VEZT: variants seen among roughly 807,000 people sequenced by gnomAD.
VEZT encodes the protein vezatin, adherens junctions transmembrane protein, also known as vezatin.
VEZT carries 39 observed loss-of-function variants against 79.9 expected under a neutral mutation model. The observed-to-expected ratio is 0.49, with a 90% CI of 0.38 to 0.64. The LOEUF (loss-of-function observed/expected upper bound fraction) is 0.64. Ranked by LOEUF, VEZT falls within the 30% of genes least tolerant of loss-of-function variation. The pLI is 0.00. For synonymous variants in VEZT, 325 were observed against 327.6 expected (o/e 0.99, Z 0.09); for missense variants, 837 against 893.1 (o/e 0.94, Z 0.80).
intron 3 of VEZT, among the ~76,000 whole-genome samples, chr12:95,262,085 G>A (rs2064643524): frequency 6.6e-6 from 1 of 152,108 alleles, no homozygotes; most frequent in African/African-American, 2.4e-5. Flanking sequence ...GTCAATTTTT[G>A]TTCATCCTTT....
chr12:95,263,230 C>T, intron 4 of VEZT, 149 bp downstream of exon 4: 4 of 780,210 alleles, frequency 5.1e-6, no homozygotes, highest in Non-Finnish European at 7.5e-6. Context: ...GAAAAAGTGC[C>T]TTTCTAAAGT....
At chr12:95,287,585 T>G (rs1169909937) in intron 8 of VEZT, 79 bp from the exon 9 acceptor site, 6 of 1,321,948 alleles carry the variant, frequency 4.5e-6, no homozygotes. Context: ...TTTAAGCTTA[T>G]TTTAAAATAA....
At chr12:95,220,731 A>G (rs1316521925) in intron 1 of VEZT, among the ~76,000 whole-genome samples, 1 of 152,170 alleles carries the variant, frequency 6.6e-6, no homozygotes, top group African/African-American at 2.4e-5. Flanking sequence ...CCATGTGAAT[A>G]TATGATCATT....
chr12:95,230,797 T>C (rs1008866591), intron 1 of VEZT, among the ~76,000 whole-genome samples: 7 of 152,192 alleles, frequency 4.6e-5, no homozygotes, highest in Admixed American at 6.5e-5. Flanking sequence ...AAGTGACCGA[T>C]GTGTGCCAGT....
chr12:95,254,400 G>A (rs1257610976), intron 2 of VEZT, among the ~76,000 whole-genome samples: 1 of 143,596 alleles, frequency 7.0e-6, no homozygotes, highest in Non-Finnish European at 1.5e-5. Flanking sequence ...AGGTTGGAGG[G>A]CAGTGACGCA....
intron 11 of VEZT, chr12:95,296,467 T>C: frequency 2.7e-6 from 1 of 370,534 alleles, no homozygotes. Context: ...CATACTTTTT[T>C]ATGAGTTATT....
chr12:95,274,781 C>T lies in VEZT; in HGVS notation c.888C>T (p.Tyr296=). 3 of 1,613,744 alleles carry T rather than the reference C, an allele frequency of 1.9e-6. No individual in the cohort carries two copies. The highest frequency in any genetic ancestry group is 2.5e-6 in the Non-Finnish European group (3 of 1,179,762). Residue 296 remains tyrosine, a synonymous_variant, in exon 7 of 12, where the codon TAC becomes TAT. Coordinates refer to ENST00000436874, the MANE Select transcript of VEZT (RefSeq NM_017599.4). The stretch of plus-strand genomic sequence containing the variant: ...CTGAGAGTGACAATGTAACCAACTA[C>T]ATCTGTGTGGTGCCTTTTAAAGAGC... The part of the protein sequence containing the change: ...LNSESDNVTN[Y]ICVVPFKELG...
At position 95,287,764 on chromosome 12, in the gene VEZT, T is replaced by C; in HGVS notation, c.1429T>C (p.Leu477=). The C allele has an allele frequency of 6.2e-7, 1 of 1,607,474 alleles. No individual in the cohort carries two copies. The highest frequency in any genetic ancestry group is 2.2e-5 in the East Asian group (1 of 44,728). Residue 477 remains leucine (L), a synonymous_variant, in exon 9 of 12, where the codon TTG becomes CTG. Coordinates refer to ENST00000436874, the MANE Select transcript of VEZT (RefSeq NM_017599.4). The stretch of plus-strand genomic sequence containing the variant: ...TCCCATCCTAGAACAGAAATTAAAG[T>C]TGATTCAGCCCCACGTTCAAGCAAG... ...AYPILEQKLK[L]IQPHVQASNN...
chr12:95,225,897 T>C (rs984502927), intron 1 of VEZT, among the ~76,000 whole-genome samples: 1 of 151,548 alleles, frequency 6.6e-6, no homozygotes, highest in Non-Finnish European at 1.5e-5. Flanking sequence ...TGAGACCAGC[T>C]TGGGCAATAT....
intron 1 of VEZT, among the ~76,000 whole-genome samples, chr12:95,230,238 T>G (rs920961056): frequency 6.6e-6 from 1 of 152,178 alleles, no homozygotes; most frequent in African/African-American, 2.4e-5. Flanking sequence ...CATTACTTTT[T>G]ATTTGAAACA....
intron 1 of VEZT, among the ~76,000 whole-genome samples, chr12:95,226,110 A>T (rs1046589565): frequency 4.6e-5 from 7 of 151,914 alleles, no homozygotes; most frequent in Admixed American, 1.3e-4. Context: ...AAAAAAAAAA[A>T]AAAAAAGAAC....
At chr12:95,267,434 A>C (rs1300904391) in intron 5 of VEZT, among the ~76,000 whole-genome samples, 1 of 152,144 alleles carries the variant, frequency 6.6e-6, no homozygotes, top group Non-Finnish European at 1.5e-5. Context: ...TAACTTTTGC[A>C]ATCTATAGGT....
intron 1 of VEZT, among the ~76,000 whole-genome samples, chr12:95,233,192 TTTTC>T (rs1168547556): frequency 5.9e-5 from 9 of 152,082 alleles, no homozygotes; most frequent in East Asian, 3.9e-4. Flanking sequence ...TCTTTTTTCT[TTTTC>T]TTTTTTTTTT....
Position 95,246,480 on chromosome 12 carries a change from A to G in VEZT, c.37-5460A>G, listed in dbSNP as rs1295101665. ...AGCAGGGCTGGCAAGAAGTGTCAGTAGTGTAGGACTTGGATGAGACATTTT... is the reference window on the plus strand; with the variant it reads ...AGCAGGGCTGGCAAGAAGTGTCAGTGGTGTAGGACTTGGATGAGACATTTT... On this transcript the variant is annotated intron_variant, in intron 1 of 11. Coordinates refer to ENST00000436874, the MANE Select transcript of VEZT (RefSeq NM_017599.4). Among the ~76,000 whole-genome samples, 3 of 152,332 alleles carry G rather than the reference A, an allele frequency of 2.0e-5. No individual in the cohort carries two copies. In the East Asian group the frequency reaches 5.8e-4, roughly 29 times the overall value.
intron 1 of VEZT, among the ~76,000 whole-genome samples, chr12:95,241,551 T>C (rs906606585): frequency 3.3e-5 from 5 of 151,964 alleles, no homozygotes; most frequent in Non-Finnish European, 7.4e-5. Context: ...AAGCAATTCC[T>C]CCTGCCTTGG....
intron 6 of VEZT, among the ~76,000 whole-genome samples, chr12:95,273,197 G>A (rs142441878): frequency 4.7e-4 from 72 of 152,142 alleles, no homozygotes; most frequent in African/African-American, 1.7e-3. Flanking sequence ...AACAATGATA[G>A]AGTTCTTAGT....
chr12:95,242,796 C>G (rs2061210439), intron 1 of VEZT, among the ~76,000 whole-genome samples: 1 of 149,252 alleles, frequency 6.7e-6, no homozygotes, highest in Non-Finnish European at 1.5e-5. Flanking sequence ...TCACTTGAAC[C>G]TGGGAGGCGG....
Position 95,266,571 on chromosome 12 carries a change from C to G in VEZT, c.649C>G (p.Leu217Val). The G allele has an allele frequency of 3.1e-6, 5 of 1,613,792 alleles. No homozygotes were observed. The highest frequency in any genetic ancestry group is 4.2e-6 in the Non-Finnish European group (5 of 1,179,828). ...CACAAACAGCCGAGCTTTTACTAAC[C>G]TCGTGAGAAAAGCTTTACGTCTCAT... ...MATNSRAFTN[L>V]VRKALRLIQE... Residue 217 changes from leucine (L) to valine (V), a missense_variant, in exon 5 of 12, where the codon CTC (leucine) becomes GTC (valine). Transcript: ENST00000436874.
chr12:95,244,630 C>G (rs1287505236), intron 1 of VEZT, among the ~76,000 whole-genome samples: 1 of 151,344 alleles, frequency 6.6e-6, no homozygotes, highest in Non-Finnish European at 1.5e-5. Flanking sequence ...CCCTGTCATC[C>G]AGGCTGGTGT....
Sources: gnomAD v4.1 joint callset for allele counts (sites outside exome capture counted in the v4.1 genomes callset) on GRCh38, gnomAD v4.1.1 for gene constraint, MANE v1.5 for transcripts, NCBI Gene and HGNC (gene_info 2026-07-23, HGNC 2026-07-21) for gene names.